The following NLGN1 variants were observed in gnomAD, a reference collection of about 807,000 sequenced individuals.
The protein encoded by NLGN1 is neuroligin 1.
NLGN1 carries 12 observed loss-of-function variants against 65.5 expected under a neutral mutation model. That is an observed-to-expected ratio of 0.18 (90% CI 0.12 to 0.30). The LOEUF (loss-of-function observed/expected upper bound fraction) is 0.30, where lower values mean the gene tolerates loss of function less well. Ranked by LOEUF, NLGN1 falls within the 10% of genes least tolerant of loss-of-function variation. The probability of loss-of-function intolerance (pLI) is 1.00; values close to 1 mark genes in which losing one functional copy is unlikely to be tolerated. For missense variants in NLGN1, 750 were observed against 1,007.1 expected, an observed-to-expected ratio of 0.74 and a Z score of 3.46; for synonymous variants, 350 against 359.5, an observed-to-expected ratio of 0.97 and a Z score of 0.30.
chr3:174,286,562 A>G (rs1365182978), exon 7 of NLGN1: 2 of 151,616 alleles, frequency 1.3e-5, no homozygotes, highest in Non-Finnish European at 3.0e-5. Flanking sequence ...TTGGGTTGTC[A>G]TGATTCAGTT....
intron 1 of NLGN1, among the ~76,000 whole-genome samples, chr3:173,414,868 A>G (rs1418265338): frequency 3.3e-5 from 5 of 152,212 alleles, no homozygotes; most frequent in Non-Finnish European, 4.4e-5. Flanking sequence ...GGAATCAGAT[A>G]AGAAAGCATC....
chr3:173,864,042 A>G (rs190761028), intron 4 of NLGN1, among the ~76,000 whole-genome samples: 2 of 152,326 alleles, frequency 1.3e-5, no homozygotes, highest in African/African-American at 2.4e-5. Context: ...TGAGAAAGCT[A>G]TGATAAAAAA....
intron 2 of NLGN1, chr3:173,585,109 G>C (rs1747139695): frequency 6.6e-6 from 1 of 152,260 alleles, no homozygotes; most frequent in Admixed American, 6.6e-5. Context: ...ATGCGGACGC[G>C]GTGCCTGTGA....
chr3:174,099,509 A>C (rs1192853612), intron 4 of NLGN1, among the ~76,000 whole-genome samples: 1 of 152,164 alleles, frequency 6.6e-6, no homozygotes, highest in Non-Finnish European at 1.5e-5. Flanking sequence ...AATTTATAGC[A>C]ATGCGTAACA....
intron 4 of NLGN1, among the ~76,000 whole-genome samples, chr3:174,063,041 C>A (rs73186505): frequency 0.15 from 23,056 of 151,976 alleles, 1,797 homozygotes; most frequent in East Asian, 0.18. Flanking sequence ...TGAAAGAAAA[C>A]TCTATTATCT....
chr3:173,813,600 G>T (rs1578571323), intron 4 of NLGN1, among the ~76,000 whole-genome samples: 1 of 152,140 alleles, frequency 6.6e-6, no homozygotes, highest in East Asian at 1.9e-4. Flanking sequence ...AAAAGTGGAA[G>T]TAATTTGTGA....
At chr3:173,872,555 G>T (rs537022228) in intron 4 of NLGN1, among the ~76,000 whole-genome samples, 27 of 152,244 alleles carry the variant, frequency 1.8e-4, no homozygotes, top group African/African-American at 6.3e-4. Context: ...GTGAGTTTGT[G>T]TGTCTTTGTG....
intron 3 of NLGN1, among the ~76,000 whole-genome samples, chr3:173,660,867 T>C (rs1463069220): frequency 2.6e-5 from 4 of 151,992 alleles, no homozygotes; most frequent in Admixed American, 6.6e-5. Flanking sequence ...GGATGCACCA[T>C]GGTGTGCTGA....
chr3:173,486,421 G>C (rs556361216), intron 2 of NLGN1, among the ~76,000 whole-genome samples: 46 of 152,220 alleles, frequency 3.0e-4, no homozygotes, highest in African/African-American at 1.0e-3. Context: ...TCACTAGACT[G>C]TCAGAGGAGT....
At chr3:173,724,948 T>C (rs1490580101) in intron 3 of NLGN1, among the ~76,000 whole-genome samples, 1 of 151,302 alleles carries the variant, frequency 6.6e-6, no homozygotes, top group African/African-American at 2.4e-5. Context: ...AACCAAACAC[T>C]GCATGTTCTC....
chr3:173,721,772 C>G (rs748567794), intron 3 of NLGN1, among the ~76,000 whole-genome samples: 4 of 151,954 alleles, frequency 2.6e-5, no homozygotes, highest in Non-Finnish European at 5.9e-5. Context: ...CCATCTTTGC[C>G]GCATAGTACA....
intron 4 of NLGN1, among the ~76,000 whole-genome samples, chr3:173,847,658 G>C (rs1726044495): frequency 6.6e-6 from 1 of 152,072 alleles, no homozygotes; most frequent in Non-Finnish European, 1.5e-5. Context: ...GATCACCTGA[G>C]GGCAGGAGTT....
At chr3:174,086,121 C>T (rs576908586) in intron 4 of NLGN1, among the ~76,000 whole-genome samples, 1 of 151,384 alleles carries the variant, frequency 6.6e-6, no homozygotes, top group Non-Finnish European at 1.5e-5. Context: ...AAATATTTTA[C>T]CAACTTTCTA....
chr3:174,240,181 G>A (rs1312529452), intron 4 of NLGN1, among the ~76,000 whole-genome samples: 1 of 152,044 alleles, frequency 6.6e-6, no homozygotes, highest in Non-Finnish European at 1.5e-5. Flanking sequence ...CTAATAAAGA[G>A]TGGAATCAAT....
intron 3 of NLGN1, among the ~76,000 whole-genome samples, chr3:173,637,033 T>A (rs1252806114): frequency 6.6e-6 from 1 of 152,162 alleles, no homozygotes; most frequent in African/African-American, 2.4e-5. Context: ...GAACTTTTTG[T>A]CTCCTTGTGT....
At chr3:173,659,042 A>C (rs1760510250) in intron 3 of NLGN1, among the ~76,000 whole-genome samples, 1 of 152,048 alleles carries the variant, frequency 6.6e-6, no homozygotes, top group Admixed American at 6.6e-5. Flanking sequence ...TAACTCCAGA[A>C]GCTTGAAGCC....
In NLGN1 at chr3:173,529,887, G is replaced by A. The variant is rs116153423; in HGVS notation, c.-320-74392G>A. Among the ~76,000 whole-genome samples the A allele has an allele frequency of 6.6e-3, 1,010 of 152,174 alleles. 18 individuals are homozygous for A. Among genetic ancestry groups the A allele is most frequent in the African/African-American group, 0.023 (956 of 41,506 alleles). On this transcript the variant is annotated intron_variant, in intron 2 of 6. Transcript: ENST00000457714. ...CCGGCCTCTAGCCCTGGGTGGAGTG[G>A]TCAGGTGTCAGTGGTGTAGAAATGG...
At chr3:173,682,683 G>A (rs1764118177) in intron 3 of NLGN1, among the ~76,000 whole-genome samples, 1 of 151,374 alleles carries the variant, frequency 6.6e-6, no homozygotes, top group African/African-American at 2.4e-5. Flanking sequence ...CATTATGCCT[G>A]AGGTTGGAAT....
At chr3:173,548,841 T>C (rs1740356946) in intron 2 of NLGN1, among the ~76,000 whole-genome samples, 1 of 151,982 alleles carries the variant, frequency 6.6e-6, no homozygotes, top group Non-Finnish European at 1.5e-5. Flanking sequence ...GATTCTTACC[T>C]TGCTATGTGT....
Sources: gnomAD v4.1 joint callset for allele counts (sites outside exome capture counted in the v4.1 genomes callset) on GRCh38, gnomAD v4.1.1 for gene constraint, MANE v1.5 for transcripts, NCBI Gene and HGNC (gene_info 2026-07-23, HGNC 2026-07-21) for gene names.